The following PCDHGB4 variants were observed in gnomAD, a reference collection of about 807,000 sequenced individuals.
PCDHGB4 encodes protocadherin gamma subfamily B, 4.
PCDHGB4 carries 38 observed loss-of-function variants against 60.5 expected under a neutral mutation model. The ratio of observed to expected loss-of-function variants is 0.63; its 90% confidence interval spans 0.48 to 0.82. The LOEUF is 0.82. PCDHGB4 is among the 40% of genes least tolerant of loss of function. The pLI is 0.00. For synonymous variants in PCDHGB4, 456 were observed against 509.7 expected (o/e 0.89, Z 1.42); for missense variants, 1,109 against 1,209.6 (o/e 0.92, Z 1.23).
intron 1 of PCDHGB4, among the ~76,000 whole-genome samples, chr5:141,425,189 T>C (rs1042702500): frequency 2.6e-5 from 4 of 152,116 alleles, no homozygotes; most frequent in African/African-American, 7.2e-5. Flanking sequence ...AATTCCAAAC[T>C]GAGAAAAATG....
intron 1 of PCDHGB4, among the ~76,000 whole-genome samples, chr5:141,460,672 TATATCTATATA>T (rs2098995194): frequency 6.6e-6 from 1 of 152,086 alleles, no homozygotes; most frequent in Admixed American, 6.6e-5. Flanking sequence ...AACACAGTTA[TATATCTATATA>T]TCCACCAACA....
At chr5:141,407,875 A>G (rs957717882) in intron 1 of PCDHGB4, 8 of 361,396 alleles carry the variant, frequency 2.2e-5, no homozygotes, top group African/African-American at 8.4e-5. Context: ...AAGAATATAT[A>G]CATTTCGGAG....
chr5:141,415,853 G>A, intron 1 of PCDHGB4: 1 of 1,186,350 alleles, frequency 8.4e-7, no homozygotes, highest in Non-Finnish European at 1.1e-6. Flanking sequence ...GCAGAACCTT[G>A]TAGTTTATAG....
chr5:141,475,908 A>G (rs531350638), intron 1 of PCDHGB4: 110 of 585,688 alleles, frequency 1.9e-4, no homozygotes, highest in Non-Finnish European at 2.5e-4. Context: ...CTGTCGGCCA[A>G]TGAAGACGCT....
chr5:141,438,623 TATATATATATATACAC>T (rs1207200307), intron 1 of PCDHGB4, among the ~76,000 whole-genome samples: 21 of 42,842 alleles, frequency 4.9e-4, no homozygotes, highest in South Asian at 2.6e-3. Flanking sequence ...TATATATATA[TATATATATATATACAC>T]ACACACACAC....
Position 141,431,137 on chromosome 5 carries a change from T to G in PCDHGB4, c.2397+40856T>G. 3 of 1,614,212 alleles carry G rather than the reference T, an allele frequency of 1.9e-6. No individual in the cohort carries two copies. The highest frequency in any genetic ancestry group is 2.2e-5 in the South Asian group (2 of 91,084). On this transcript the variant is annotated intron_variant, in intron 1 of 3. Coordinates refer to ENST00000519479, the MANE Select transcript of PCDHGB4 (RefSeq NM_003736.4). This position sits in a 1 kb window ranked among gnomAD's most constrained non-coding sequence, Gnocchi z 4.8. Reference sequence around the variant, plus strand: ...GAGTAGAAGTAGAAGTAAGGGACATTAACGACAATGCGCCTTACTTTCGTG... The same window carrying G: ...GAGTAGAAGTAGAAGTAAGGGACATGAACGACAATGCGCCTTACTTTCGTG...
At chr5:141,483,772 G>C (rs2099586910) in intron 1 of PCDHGB4, among the ~76,000 whole-genome samples, 1 of 152,140 alleles carries the variant, frequency 6.6e-6, no homozygotes, top group Non-Finnish European at 1.5e-5. Flanking sequence ...AAAAATATTG[G>C]GGAAGGATAA....
chr5:141,409,647 G>A, intron 1 of PCDHGB4: 2 of 1,613,668 alleles, frequency 1.2e-6, no homozygotes, highest in Non-Finnish European at 1.7e-6. Context: ...CCGGATTTGG[G>A]GCTCAATGGC....
chr5:141,405,407 C>CT lies in PCDHGB4; in HGVS notation c.2397+15133dup, dbSNP rs762612492. 13 of 1,582,050 alleles carry CT rather than the reference C, an allele frequency of 8.2e-6. No individual in the cohort carries two copies. In the East Asian group the frequency reaches 1.6e-4, roughly 19 times the overall value. On this transcript the variant is annotated intron_variant, in intron 1 of 3. Transcript: ENST00000519479. Reference sequence around the variant, plus strand: ...TTCATTTTTTTTCTTTCTTTCTTTTCTTTTTTTGTTTTTTGTTTTGTTTTG... The same window carrying CT: ...TTCATTTTTTTTCTTTCTTTCTTTTCTTTTTTTTGTTTTTTGTTTTGTTTTG...
intron 1 of PCDHGB4, chr5:141,392,586 C>A: frequency 2.1e-6 from 1 of 478,230 alleles, no homozygotes; most frequent in Non-Finnish European, 3.7e-6. Flanking sequence ...GTAAGCGCCG[C>A]TGTTCACCTA....
At chr5:141,464,816 G>A (rs11167751) in intron 1 of PCDHGB4, among the ~76,000 whole-genome samples, 42,470 of 151,904 alleles carry the variant, frequency 0.28, 6,668 homozygotes, top group African/African-American at 0.43. Context: ...ATAGCTCACT[G>A]TAGCCTCGCA....
chr5:141,453,931 G>T (rs61228273), intron 1 of PCDHGB4, among the ~76,000 whole-genome samples: 2 of 152,306 alleles, frequency 1.3e-5, no homozygotes, highest in African/African-American at 4.8e-5. Flanking sequence ...GTCACTGTGT[G>T]CCTATAATTT....
intron 1 of PCDHGB4, chr5:141,441,971 G>A: frequency 3.3e-6 from 1 of 298,820 alleles, no homozygotes; most frequent in Non-Finnish European, 6.5e-6. Flanking sequence ...AGGCTCTTCA[G>A]CCTGGAATGC....
chr5:141,498,009 C>A (rs1160103624), intron 2 of PCDHGB4, among the ~76,000 whole-genome samples: 1 of 152,146 alleles, frequency 6.6e-6, no homozygotes, highest in Non-Finnish European at 1.5e-5. Context: ...TTACAGTGCA[C>A]TGAAGGAGAC....
chr5:141,447,181 G>C (rs442221), intron 1 of PCDHGB4, among the ~76,000 whole-genome samples: 152,246 of 152,338 alleles, frequency 1, 76,078 homozygotes, highest in Middle Eastern at 1. Context: ...CTCTTGTCGC[G>C]CAGGCTGGAG....
In PCDHGB4 at chr5:141,487,636, AC is replaced by A. The variant is rs1562120737; in HGVS notation, c.2398-7170del. On this transcript the variant is annotated intron_variant, in intron 1 of 3. Coordinates refer to ENST00000519479, the MANE Select transcript of PCDHGB4 (RefSeq NM_003736.4). The surrounding 1 kb of genome is among the most constrained non-coding windows in gnomAD (Gnocchi z 5.0). ...TAGAGGTGAGACCTTTGCAGGCTCA[AC>A]AAATGCTTGAGGGTTATTCTGATCC... 1 of 1,614,192 alleles carries A rather than the reference AC, an allele frequency of 6.2e-7. No individual in the cohort carries two copies. The highest frequency in any genetic ancestry group is 2.2e-5 in the East Asian group (1 of 44,886).
At position 141,424,003 on chromosome 5, in the gene PCDHGB4, T is replaced by C. The variant is rs150506228; in HGVS notation, c.2397+33722T>C. 5.3e-3 allele frequency: 5,614 copies of C among 1,067,752 alleles called. 27 individuals carry two copies. The highest frequency in any genetic ancestry group is 0.01 in the Admixed American group (195 of 19,092). 66.1% of individuals were successfully genotyped at this position (1,067,752 alleles called of 1,614,324 possible). A position where few individuals can be genotyped will look rare whatever the true frequency, so the allele number is the denominator to read the frequency against. ...AGGCTCTCAATTTATTATATATAGA[T>C]ACAAATTAATGATTCACAAACACTT... On this transcript the variant is annotated intron_variant, in intron 1 of 3. Transcript: ENST00000519479.
chr5:141,415,755 T>C (rs753465209), intron 1 of PCDHGB4: 19 of 1,387,632 alleles, frequency 1.4e-5, no homozygotes, highest in Middle Eastern at 2.6e-4. Flanking sequence ...TTTTTTTTTT[T>C]TTTTTTTTTT....
At chr5:141,399,579 C>CT (rs1419885738) in intron 1 of PCDHGB4, 1 of 1,614,026 alleles carries the variant, frequency 6.2e-7, no homozygotes, top group African/African-American at 1.3e-5. Context: ...GCCAAGTCTC[C>CT]TACTCTATCA....
Sources: allele counts gnomAD v4.1 joint callset (sites outside exome capture counted in the v4.1 genomes callset), GRCh38; gene constraint gnomAD v4.1.1; non-coding constraint Gnocchi (gnomAD v3.1); transcripts MANE v1.5; gene names NCBI Gene and HGNC (gene_info 2026-07-23, HGNC 2026-07-21).